Variants in CEP135 observed in about 807,000 individuals in gnomAD.
The protein encoded by CEP135 is centrosomal protein 135, also known as centrosomal protein of 135 kDa.
In CEP135, 142 loss-of-function variants were observed where a neutral mutation model predicts 157.3. The observed-to-expected ratio is 0.90, with a 90% confidence interval of 0.79 to 1.04. The LOEUF (loss-of-function observed/expected upper bound fraction) is 1.04, where lower values mean the gene tolerates loss of function less well. Among genes scored for constraint, CEP135 ranks in the 50% least tolerant of loss-of-function variants. The probability of loss-of-function intolerance (pLI) is 0.00; values close to 1 mark genes in which losing one functional copy is unlikely to be tolerated. For synonymous variants in CEP135, 396 were observed against 439.8 expected (o/e 0.90, Z 1.25); for missense variants, 1,317 against 1,309.2 (o/e 1.01, Z -0.09).
intron 14 of CEP135, among the ~76,000 whole-genome samples, chr4:55,987,754 T>C (rs902509656): frequency 2.0e-5 from 3 of 152,098 alleles, no homozygotes; most frequent in Non-Finnish European, 4.4e-5. Context: ...CTAGAAGTCA[T>C]TGGAAAGAAA....
In CEP135 at chr4:55,973,632, G is replaced by GT. The variant is rs113029609; in HGVS notation, c.1250-1108dup. The stretch of plus-strand genomic sequence containing the variant: ...TCTCCATAGTTTTAATCTTTGTACT[G>GT]TTTTTTCCCGTTGGCATTCACATGC... On this transcript the variant is annotated intron_variant, in intron 10 of 25. Coordinates refer to ENST00000257287, the MANE Select transcript of CEP135 (RefSeq NM_025009.5). Among the ~76,000 whole-genome samples, 71 of 152,226 alleles carry GT rather than the reference G, an allele frequency of 4.7e-4. 1 individual carries two copies. Among genetic ancestry groups the GT allele is most frequent in the African/African-American group, 1.4e-3 (58 of 41,536 alleles).
chr4:56,019,082 C>T (rs35814086), intron 22 of CEP135, among the ~76,000 whole-genome samples: 209 of 151,920 alleles, frequency 1.4e-3, no homozygotes, highest in African/African-American at 4.9e-3. Context: ...TCTTAATGAC[C>T]GTCTCTTGAT....
At chr4:56,001,129 T>C (rs1730155974) in intron 17 of CEP135, among the ~76,000 whole-genome samples, 1 of 152,184 alleles carries the variant, frequency 6.6e-6, no homozygotes. Context: ...TTGAGTTGTT[T>C]GGGCTCCTTG....
chr4:56,028,148 A>G (rs2109756410), intron 25 of CEP135, among the ~76,000 whole-genome samples: 1 of 152,294 alleles, frequency 6.6e-6, no homozygotes, highest in South Asian at 2.1e-4. Flanking sequence ...GGTTGTTTCT[A>G]TCATATGGTT....
intron 7 of CEP135, chr4:55,965,372 T>C: frequency 3.3e-6 from 1 of 303,128 alleles, no homozygotes; most frequent in Non-Finnish European, 6.2e-6. Context: ...CATCTTGATA[T>C]TCTTGTTGTA....
intron 10 of CEP135, among the ~76,000 whole-genome samples, chr4:55,973,112 CTT>C (rs1395511034): frequency 1.3e-5 from 2 of 152,198 alleles, no homozygotes; most frequent in Non-Finnish European, 2.9e-5. Flanking sequence ...CTCAAACTCT[CTT>C]GTTTCCCTGT....
chr4:56,027,622 C>G (rs1215939475), intron 25 of CEP135, among the ~76,000 whole-genome samples: 1 of 152,134 alleles, frequency 6.6e-6, no homozygotes, highest in African/African-American at 2.4e-5. Context: ...TTAAGAACTA[C>G]TGATATGGAA....
chr4:55,960,099 T>C, intron 6 of CEP135: 1 of 383,196 alleles, frequency 2.6e-6, no homozygotes, highest in Non-Finnish European at 4.6e-6. Context: ...AGTAGTTTTT[T>C]GTTTGGTTTT....
At chr4:56,014,406 G>C (rs535995820) in intron 21 of CEP135, among the ~76,000 whole-genome samples, 1 of 152,308 alleles carries the variant, frequency 6.6e-6, no homozygotes, top group South Asian at 2.1e-4. Context: ...ACTCAGAAGA[G>C]ATGAGAGCTG....
chr4:56,023,857 CTTATATA>C lies in CEP135; in HGVS notation c.3321-636_3321-630del, dbSNP rs1488211980. The stretch of plus-strand genomic sequence containing the variant: ...ATATATAGACATATAATATATAGTA[CTTATATA>C]TTATATAATATATGATATATAATGT... On this transcript the variant is annotated intron_variant, in intron 24 of 25. Transcript: ENST00000257287. Among the ~76,000 whole-genome samples the C allele has an allele frequency of 3.7e-4, 50 of 133,626 alleles. No individual in the cohort carries two copies. In the South Asian group the frequency reaches 0.01, roughly 28 times the overall value. The allele number at this position is 133,626 out of a possible 152,430, so 87.7% of individuals were successfully genotyped here. A position where few individuals can be genotyped will look rare whatever the true frequency, so the allele number is the denominator to read the frequency against.
In CEP135 at chr4:56,010,310, C is replaced by T. The variant is rs184212275; in HGVS notation, c.2505+407C>T. 4.7e-3 allele frequency among the ~76,000 whole-genome samples: 699 copies of T among 148,710 alleles called. 9 individuals are homozygous for T. Among genetic ancestry groups the T allele is most frequent in the African/African-American group, 0.017 (668 of 40,236 alleles). The stretch of plus-strand genomic sequence containing the variant: ...CCTGGAGGCAGAGGTTGCAGTGAGC[C>T]GAGATCGTGCCACTGCACTCCAGCC... On this transcript the variant is annotated intron_variant, in intron 19 of 25. Transcript: ENST00000257287.
At chr4:56,000,371 T>A (rs908258217) in intron 17 of CEP135, among the ~76,000 whole-genome samples, 11 of 152,194 alleles carry the variant, frequency 7.2e-5, no homozygotes, top group Admixed American at 3.3e-4. Context: ...TTTAGCTGTT[T>A]TGAAATGTGC....
rs1729019924 is a variant in CEP135, at chr4:55,971,324, A to C, written c.1165A>C (p.Lys389Gln). 3.1e-6 allele frequency: 5 copies of C among 1,606,672 alleles called. No homozygotes were observed. Among genetic ancestry groups the C allele is most frequent in the Non-Finnish European group, 4.2e-6 (5 of 1,176,992 alleles). ...KERLSDELLV[K>Q]SDLETVVHQL... ...GAGACTGAGTGATGAACTCCTTGTA[A>C]AATCAGACCTAGAAACTGTTGTTCA... The change falls in exon 10 of 26, where the codon AAA becomes CAA. Residue 389 changes from lysine (K) to glutamine (Q), a missense_variant. By Grantham distance (53) the Lys-to-Gln change is moderately conservative (BLOSUM62 1). Coordinates refer to ENST00000257287, the MANE Select transcript of CEP135 (RefSeq NM_025009.5).
At chr4:55,983,319 G>T (rs1450849234) in intron 13 of CEP135, among the ~76,000 whole-genome samples, 2 of 152,158 alleles carry the variant, frequency 1.3e-5, no homozygotes, top group African/African-American at 4.8e-5. Flanking sequence ...TGTATTATCA[G>T]AATCCTTCTG....
At chr4:55,971,246 T>C (rs774951133) in intron 9 of CEP135, 24 bp from the exon 10 acceptor site, 1 of 1,528,446 alleles carries the variant, frequency 6.5e-7, no homozygotes, top group South Asian at 1.2e-5. Flanking sequence ...TTAGAAATCT[T>C]AATTATAGTA....
chr4:55,990,492 A>C (rs1339924916), intron 14 of CEP135, among the ~76,000 whole-genome samples: 1 of 152,078 alleles, frequency 6.6e-6, no homozygotes, highest in Non-Finnish European at 1.5e-5. Flanking sequence ...GTTTGTCCCT[A>C]CACTTATTTA....
intron 5 of CEP135, among the ~76,000 whole-genome samples, chr4:55,958,743 C>T (rs145699738): frequency 2.7e-3 from 413 of 152,116 alleles, no homozygotes; most frequent in African/African-American, 9.2e-3. Context: ...AGGTACAAGC[C>T]GTATCCAGCC....
chr4:55,986,273 A>G lies in CEP135; in HGVS notation c.1857+915A>G, dbSNP rs574834946. 4.6e-3 allele frequency among the ~76,000 whole-genome samples: 705 copies of G among 152,330 alleles called. 1 individual carries two copies. The highest frequency in any genetic ancestry group is 7.4e-3 in the Non-Finnish European group (505 of 68,038). ...TCATATAGGCCAGGCATAGTGGCTCATGCCTATAATCCCAACACTTTGGGA... is the reference window on the plus strand; with the variant it reads ...TCATATAGGCCAGGCATAGTGGCTCGTGCCTATAATCCCAACACTTTGGGA... On this transcript the variant is annotated intron_variant, in intron 14 of 25. Coordinates refer to ENST00000257287, the MANE Select transcript of CEP135 (RefSeq NM_025009.5).
intron 18 of CEP135, 98 bp from the exon 19 acceptor site, chr4:56,009,637 A>G: frequency 1.9e-6 from 2 of 1,041,842 alleles, no homozygotes; most frequent in Admixed American, 5.6e-5. Context: ...ATCACAGTAT[A>G]TTTGTATTCT....
Sources: allele counts gnomAD v4.1 joint callset (sites outside exome capture counted in the v4.1 genomes callset), GRCh38; gene constraint gnomAD v4.1.1; transcripts MANE v1.5; gene names NCBI Gene and HGNC (gene_info 2026-07-23, HGNC 2026-07-21).